TASP1: variants seen among roughly 807,000 people sequenced by gnomAD.
TASP1 encodes the protein threonine aspartase 1.
A neutral mutation model predicts 56.6 loss-of-function variants in TASP1; 16 were observed. The observed-to-expected ratio is 0.28, with a 90% CI of 0.19 to 0.43. TASP1 has a LOEUF of 0.43. TASP1 is among the 20% of genes least tolerant of loss of function. The pLI is 1.00. For synonymous variants in TASP1, 179 were observed against 184.2 expected (o/e 0.97, Z 0.23); for missense variants, 393 against 511.6 (o/e 0.77, Z 2.24).
chr20:13,598,636 A>G (rs1394613278), intron 4 of TASP1, among the ~76,000 whole-genome samples: 1 of 152,148 alleles, frequency 6.6e-6, no homozygotes, highest in Admixed American at 6.6e-5. Flanking sequence ...AAGACTTCAT[A>G]ACTAAAACAC....
the TASP1 span, among the ~76,000 whole-genome samples, chr20:13,258,094 G>T: frequency 1.3e-5 from 2 of 152,084 alleles, no homozygotes; most frequent in Non-Finnish European, 2.9e-5. Context: ...TATTATAGCT[G>T]CTATTTCTCC....
chr20:13,627,620 A>G (rs2048939035), intron 2 of TASP1, among the ~76,000 whole-genome samples: 2 of 151,598 alleles, frequency 1.3e-5, no homozygotes, highest in African/African-American at 4.9e-5. Context: ...GCATGGTGGC[A>G]CGTGCCTGTA....
chr20:13,566,060 A>T (rs2046517860), intron 7 of TASP1, among the ~76,000 whole-genome samples: 2 of 152,218 alleles, frequency 1.3e-5, no homozygotes, highest in Admixed American at 1.3e-4. Context: ...AACCTTGAAG[A>T]AGTCATGCTA....
chr20:13,543,947 A>G (rs1469110009), intron 8 of TASP1, among the ~76,000 whole-genome samples: 2 of 152,194 alleles, frequency 1.3e-5, no homozygotes, highest in East Asian at 3.8e-4. Context: ...CATTTTGCAC[A>G]TCACTCTTAA....
intron 6 of TASP1, among the ~76,000 whole-genome samples, chr20:13,572,232 G>A (rs1352848825): frequency 6.6e-6 from 1 of 152,098 alleles, no homozygotes; most frequent in Non-Finnish European, 1.5e-5. Context: ...AATAAAAATT[G>A]TCAAGATATT....
chr20:13,485,723 A>G (rs2043300057), intron 10 of TASP1, among the ~76,000 whole-genome samples: 1 of 152,218 alleles, frequency 6.6e-6, no homozygotes, highest in East Asian at 1.9e-4. Context: ...CACGTTGGAC[A>G]CTTACTAAGA....
At chr20:13,409,157 T>C (rs2042016090) in intron 13 of TASP1, among the ~76,000 whole-genome samples, 1 of 152,112 alleles carries the variant, frequency 6.6e-6, no homozygotes, top group Non-Finnish European at 1.5e-5. Flanking sequence ...ATCATTCAGT[T>C]GAAAATAATT....
intron 6 of TASP1, among the ~76,000 whole-genome samples, chr20:13,573,346 T>G (rs1024535275): frequency 1.3e-5 from 2 of 152,200 alleles, no homozygotes; most frequent in African/African-American, 4.8e-5. Flanking sequence ...TGAATGGGAT[T>G]AGCCCTCTTG....
the TASP1 span, chr20:13,288,434 T>C: frequency 2.1e-5 from 26 of 1,230,444 alleles, no homozygotes; most frequent in Non-Finnish European, 2.0e-5. Flanking sequence ...AGCAATCCCC[T>C]CCCACAGCGA....
the TASP1 span, among the ~76,000 whole-genome samples, chr20:13,173,997 G>A: frequency 1.3e-5 from 2 of 152,102 alleles, no homozygotes; most frequent in African/African-American, 4.8e-5. Flanking sequence ...CTATTCTTCT[G>A]TGACAGTTTA....
chr20:13,451,376 G>T (rs1205335193), intron 11 of TASP1, among the ~76,000 whole-genome samples: 2 of 152,120 alleles, frequency 1.3e-5, no homozygotes, highest in Non-Finnish European at 2.9e-5. Context: ...GTCCTAGATG[G>T]CATCATCTTC....
the TASP1 span, among the ~76,000 whole-genome samples, chr20:13,209,884 A>C: frequency 6.6e-6 from 1 of 152,214 alleles, no homozygotes; most frequent in Non-Finnish European, 1.5e-5. Context: ...GTTTACATAG[A>C]GTGCACAAGT....
At chr20:13,352,716 A>G in the TASP1 span, among the ~76,000 whole-genome samples, 7 of 152,344 alleles carry the variant, frequency 4.6e-5, no homozygotes, top group African/African-American at 1.7e-4. Context: ...GTCAACCATA[A>G]CAAGTAATGA....
At chr20:13,630,687 CAAAAAAAAAAAA>C (rs33973259) in intron 1 of TASP1, among the ~76,000 whole-genome samples, 1 of 65,548 alleles carries the variant, frequency 1.5e-5, no homozygotes, top group Non-Finnish European at 2.9e-5. Flanking sequence ...AGCTCTGTCT[CAAAAAAAAAAAA>C]AAAAAAAAAA....
chr20:13,112,780 T>G, the TASP1 span, among the ~76,000 whole-genome samples: 4 of 152,202 alleles, frequency 2.6e-5, no homozygotes, highest in African/African-American at 9.6e-5. Context: ...CTTGGGGGCT[T>G]CAATTTCCTC....
chr20:13,587,435 C>T, intron 4 of TASP1, 65 bp from the exon 5 acceptor site: 1 of 1,388,264 alleles, frequency 7.2e-7, no homozygotes, highest in Non-Finnish European at 9.8e-7. Context: ...GTCAGTCCTT[C>T]ATGAAATTTT....
intron 8 of TASP1, among the ~76,000 whole-genome samples, chr20:13,541,074 G>A (rs2045603923): frequency 6.6e-6 from 1 of 150,536 alleles, no homozygotes; most frequent in Non-Finnish European, 1.5e-5. Context: ...ATGGCTCAAA[G>A]TCTAATCTGT....
the TASP1 span, among the ~76,000 whole-genome samples, chr20:13,225,139 C>T: frequency 7.9e-5 from 12 of 152,190 alleles, no homozygotes; most frequent in East Asian, 2.1e-3. Flanking sequence ...AGGCGTGAGC[C>T]ACCGCGCCCG....
chr20:13,254,430 G>C, the TASP1 span, among the ~76,000 whole-genome samples: 2 of 151,988 alleles, frequency 1.3e-5, no homozygotes, highest in Non-Finnish European at 2.9e-5. Flanking sequence ...TTCAGAATCA[G>C]AATTGAATTC....
Sources: gnomAD v4.1 joint callset for allele counts (sites outside exome capture counted in the v4.1 genomes callset) on GRCh38, gnomAD v4.1.1 for gene constraint, MANE v1.5 for transcripts, NCBI Gene and HGNC (gene_info 2026-07-23, HGNC 2026-07-21) for gene names.